NKAIN3: variants seen among roughly 807,000 people sequenced by gnomAD.
NKAIN3 encodes sodium/potassium transporting ATPase interacting 3.
In NKAIN3, 25 loss-of-function variants were observed where a neutral mutation model predicts 30.2. The observed-to-expected ratio is 0.83, with a 90% CI of 0.60 to 1.16. NKAIN3 has a LOEUF of 1.16. Ranked by LOEUF, NKAIN3 falls within the 50% of genes most tolerant of loss-of-function variation. The pLI is 0.00. For missense variants in NKAIN3, 225 were observed against 254.1 expected (o/e 0.89, Z 0.78); for synonymous variants, 91 against 89.6 (o/e 1.02, Z -0.09).
At position 62,980,701 on chromosome 8, in the gene NKAIN3, A is replaced by G. The variant is rs1824055883; in HGVS notation, c.*15294A>G. The stretch of plus-strand genomic sequence containing the variant: ...GAAAAAAATATTCCTTGTACATGAT[A>G]TTTTTAGGCAAAACATAATGTCTGG... On this transcript the variant is annotated 3_prime_UTR_variant, in exon 7 of 7. Transcript: ENST00000623646. The G allele has an allele frequency of 6.6e-6, 1 of 152,176 alleles. No individual in the cohort carries two copies. The highest frequency in any genetic ancestry group is 2.1e-4 in the South Asian group (1 of 4,828). The allele number at this position is 152,176 out of a possible 1,614,324, so 9.4% of individuals were successfully genotyped here. A position where few individuals can be genotyped will look rare whatever the true frequency, so the allele number is the denominator to read the frequency against.
chr8:62,744,394 G>A (rs930734014), intron 3 of NKAIN3, among the ~76,000 whole-genome samples: 1 of 152,140 alleles, frequency 6.6e-6, no homozygotes, highest in Admixed American at 6.5e-5. Context: ...GGTTTTATGA[G>A]TGTAACAAAT....
In NKAIN3 at chr8:62,918,457, T is replaced by A. The variant is rs1822173763; in HGVS notation, c.476T>A (p.Val159Glu). Residue 159 changes from valine (V) to glutamate (E), a missense_variant, in exon 5 of 7, where the codon GTG (valine) becomes GAG (glutamate). By Grantham distance (121) the Val-to-Glu change is moderately radical. Coordinates refer to ENST00000623646, the MANE Select transcript of NKAIN3 (RefSeq NM_001304533.3). ...CACATTTTTTCCCTTTTGCAGTTGG[T>A]GGGTTTTGTGTATGCCTGTTATGTG... ...HSAVQILLSL[V>E]GFVYACYVIS... 6.2e-7 allele frequency: 1 copy of A among 1,612,382 alleles called. No individual in the cohort carries two copies. Among genetic ancestry groups the A allele is most frequent in the East Asian group, 2.2e-5 (1 of 44,816 alleles).
At chr8:62,296,665 G>A (rs1813841080) in intron 1 of NKAIN3, among the ~76,000 whole-genome samples, 1 of 152,126 alleles carries the variant, frequency 6.6e-6, no homozygotes, top group South Asian at 2.1e-4. Flanking sequence ...CACTATGTTA[G>A]ACTTGTAAAT....
intron 3 of NKAIN3, among the ~76,000 whole-genome samples, chr8:62,626,087 A>G (rs999017622): frequency 1.1e-4 from 16 of 152,014 alleles, no homozygotes; most frequent in Non-Finnish European, 4.4e-5. Context: ...TGCCTCTGAG[A>G]CATTTCTTGT....
chr8:62,613,443 T>A (rs1027845666), intron 3 of NKAIN3, among the ~76,000 whole-genome samples: 1 of 152,152 alleles, frequency 6.6e-6, no homozygotes, highest in South Asian at 2.1e-4. Context: ...GCTGCTTTTA[T>A]AATCCTTTCT....
chr8:62,697,417 C>T (rs1239189921), intron 3 of NKAIN3, among the ~76,000 whole-genome samples: 1 of 152,162 alleles, frequency 6.6e-6, no homozygotes, highest in African/African-American at 2.4e-5. Flanking sequence ...TTTCTGCCTC[C>T]CTTTCTTCAA....
chr8:62,832,662 A>G (rs1819234470), intron 4 of NKAIN3, among the ~76,000 whole-genome samples: 1 of 152,022 alleles, frequency 6.6e-6, no homozygotes, highest in Admixed American at 6.6e-5. Flanking sequence ...ATATATATGC[A>G]CCCAATATTG....
intron 4 of NKAIN3, among the ~76,000 whole-genome samples, chr8:62,825,521 A>G (rs146111079): frequency 5.3e-5 from 8 of 152,296 alleles, no homozygotes; most frequent in African/African-American, 1.4e-4. Flanking sequence ...GGCTTTGACA[A>G]TTTGTGTATC....
chr8:62,319,904 G>A (rs1268322006), intron 1 of NKAIN3, among the ~76,000 whole-genome samples: 8 of 152,000 alleles, frequency 5.3e-5, no homozygotes, highest in Non-Finnish European at 7.4e-5. Context: ...TTTCTGTCTC[G>A]TTGATCTGTC....
rs149689714 is a variant in NKAIN3, at chr8:62,948,650, G to A, written c.533-5252G>A. 1.6e-3 allele frequency among the ~76,000 whole-genome samples: 239 copies of A among 152,248 alleles called. 2 individuals are homozygous for A. Among genetic ancestry groups the A allele is most frequent in the Non-Finnish European group, 1.4e-3 (95 of 68,016 alleles). On this transcript the variant is annotated intron_variant, in intron 5 of 6. Coordinates refer to ENST00000623646, the MANE Select transcript of NKAIN3 (RefSeq NM_001304533.3). ...TTAAAGTATCTTTTCAAAGATGAAAGCAAAGTCCTTATCAAATTTCAAAAT... is the reference window on the plus strand; with the variant it reads ...TTAAAGTATCTTTTCAAAGATGAAAACAAAGTCCTTATCAAATTTCAAAAT...
chr8:62,368,241 C>T (rs1816798867), intron 1 of NKAIN3, among the ~76,000 whole-genome samples: 2 of 152,054 alleles, frequency 1.3e-5, no homozygotes, highest in Non-Finnish European at 2.9e-5. Context: ...CATATGGAAC[C>T]ACAAAATACC....
At chr8:62,704,402 A>G (rs965449735) in intron 3 of NKAIN3, among the ~76,000 whole-genome samples, 6 of 152,064 alleles carry the variant, frequency 3.9e-5, no homozygotes, top group Non-Finnish European at 8.8e-5. Context: ...TTTCTAGAGA[A>G]GGAGAGCTAT....
chr8:62,599,931 C>T (rs969199369), intron 3 of NKAIN3, among the ~76,000 whole-genome samples: 5 of 151,868 alleles, frequency 3.3e-5, no homozygotes, highest in African/African-American at 4.8e-5. Flanking sequence ...TTGGAAGTTA[C>T]AAGACTTGAA....
intron 4 of NKAIN3, among the ~76,000 whole-genome samples, chr8:62,852,080 G>A (rs1264661862): frequency 6.6e-6 from 1 of 152,078 alleles, no homozygotes; most frequent in African/African-American, 2.4e-5. Context: ...GAATCCATCT[G>A]GTCCTGGACT....
At chr8:62,727,426 TG>T in intron 3 of NKAIN3, among the ~76,000 whole-genome samples, 1 of 152,224 alleles carries the variant, frequency 6.6e-6, no homozygotes, top group East Asian at 1.9e-4. Context: ...ACAGATGCCA[TG>T]GTCATCTATG....
chr8:62,801,708 G>A (rs1818069866), intron 4 of NKAIN3, among the ~76,000 whole-genome samples: 1 of 152,344 alleles, frequency 6.6e-6, no homozygotes. Flanking sequence ...AAAGAGCAGA[G>A]CGCCTCTCCT....
chr8:62,407,931 C>T (rs1487274628), intron 1 of NKAIN3, among the ~76,000 whole-genome samples: 1 of 152,098 alleles, frequency 6.6e-6, no homozygotes. Context: ...GAGGCTGAGA[C>T]AAGAGGATCA....
chr8:62,727,307 G>A (rs1815289820), intron 3 of NKAIN3, among the ~76,000 whole-genome samples: 1 of 152,162 alleles, frequency 6.6e-6, no homozygotes, highest in East Asian at 1.9e-4. Context: ...GAACGTCCCA[G>A]CTCACCACTC....
chr8:62,421,236 A>G (rs1452487978), intron 1 of NKAIN3, among the ~76,000 whole-genome samples: 1 of 152,168 alleles, frequency 6.6e-6, no homozygotes, highest in Admixed American at 6.6e-5. Flanking sequence ...ACCTCTGGCT[A>G]TAGCCCAGCC....
Sources: allele counts gnomAD v4.1 joint callset (sites outside exome capture counted in the v4.1 genomes callset), GRCh38; gene constraint gnomAD v4.1.1; transcripts MANE v1.5; gene names NCBI Gene and HGNC (gene_info 2026-07-23, HGNC 2026-07-21).